Variants in SYN3 observed in about 807,000 individuals in gnomAD.
SYN3 encodes synapsin-3.
SYN3 carries 35 observed loss-of-function variants against 65.8 expected under a neutral mutation model. That is an observed-to-expected ratio of 0.53 (90% CI 0.41 to 0.70). The LOEUF is 0.70. Among genes scored for constraint, SYN3 ranks in the 30% least tolerant of loss-of-function variants. SYN3 has a pLI of 0.00. For missense variants in SYN3, 680 were observed against 749.0 expected (o/e 0.91, Z 1.08); for synonymous variants, 270 against 292.9 (o/e 0.92, Z 0.80).
chr22:32,628,314 T>G (rs967240638), intron 6 of SYN3, among the ~76,000 whole-genome samples: 7 of 152,212 alleles, frequency 4.6e-5, no homozygotes, highest in Admixed American at 3.9e-4. Flanking sequence ...TGCCCTCATT[T>G]AATTTACAAG....
chr22:32,975,332 A>G, intron 3 of SYN3, among the ~76,000 whole-genome samples: 1 of 149,084 alleles, frequency 6.7e-6, no homozygotes, highest in East Asian at 2.0e-4. Flanking sequence ...CGGAGATCTC[A>G]CCATTGCACT....
chr22:32,547,159 AT>A lies in SYN3; in HGVS notation c.775-5447del, dbSNP rs370726615. ...CGCCTGGCTGTTTTTTCTTTGTCGT[AT>A]TTTTTGTAGAAATGAAATTTCCCCA... On this transcript the variant is annotated intron_variant, in intron 7 of 13. Transcript: ENST00000358763. Among the ~76,000 whole-genome samples, 890 of 151,842 alleles carry A rather than the reference AT, an allele frequency of 5.9e-3. 13 individuals carry two copies. Among genetic ancestry groups the A allele is most frequent in the African/African-American group, 0.021 (864 of 41,388 alleles).
At chr22:32,952,254 AGT>A (rs1208268509) in intron 3 of SYN3, among the ~76,000 whole-genome samples, 1 of 148,252 alleles carries the variant, frequency 6.7e-6, no homozygotes, top group Non-Finnish European at 1.5e-5. Context: ...ATATTGAATG[AGT>A]GTGTGTGTGC....
intron 1 of SYN3, among the ~76,000 whole-genome samples, chr22:33,051,666 C>A (rs529776337): frequency 8.0e-6 from 1 of 125,602 alleles, no homozygotes; most frequent in East Asian, 2.2e-4. Flanking sequence ...TGCCCAAATA[C>A]ATTAAGGCAC....
chr22:33,030,784 TAGAC>T lies in SYN3; in HGVS notation c.-162-23964_-162-23961del, dbSNP rs576491704. ...AAACAGAGAGAGAGGTAGAGACAGA[TAGAC>T]AGAAACAGACCCCCAGAGAGAGAGA... On this transcript the variant is annotated intron_variant, in intron 1 of 13. Coordinates refer to ENST00000358763, the MANE Select transcript of SYN3 (RefSeq NM_003490.4). Among the ~76,000 whole-genome samples the T allele has an allele frequency of 9.6e-5, 14 of 146,550 alleles. No homozygotes were observed. In the South Asian group the frequency reaches 2.9e-3, roughly 30 times the overall value.
At chr22:32,911,204 A>T (rs1166928902) in intron 4 of SYN3, among the ~76,000 whole-genome samples, 1 of 152,202 alleles carries the variant, frequency 6.6e-6, no homozygotes, top group Non-Finnish European at 1.5e-5. Context: ...CCACACAGAA[A>T]GGAGGTATTT....
chr22:32,895,939 T>C (rs983723698), intron 4 of SYN3, among the ~76,000 whole-genome samples: 4 of 152,162 alleles, frequency 2.6e-5, no homozygotes, highest in African/African-American at 9.7e-5. Context: ...TTAATATTAA[T>C]AGGGTTGTTG....
At chr22:32,694,275 T>C (rs2060706702) in intron 6 of SYN3, among the ~76,000 whole-genome samples, 2 of 152,220 alleles carry the variant, frequency 1.3e-5, no homozygotes, top group South Asian at 4.1e-4. Context: ...CGGGCAAGCA[T>C]ACCTTTCCCC....
At chr22:32,763,085 C>CT (rs1339702741) in intron 6 of SYN3, among the ~76,000 whole-genome samples, 1 of 151,784 alleles carries the variant, frequency 6.6e-6, no homozygotes, top group Non-Finnish European at 1.5e-5. Flanking sequence ...CTCATTTCAT[C>CT]TTTTTTTTAA....
chr22:32,879,839 TA>T (rs893388945), intron 4 of SYN3, among the ~76,000 whole-genome samples: 1 of 152,140 alleles, frequency 6.6e-6, no homozygotes, highest in Non-Finnish European at 1.5e-5. Context: ...ACAACCCTTT[TA>T]AAAAAATAAC....
intron 6 of SYN3, among the ~76,000 whole-genome samples, chr22:32,687,457 C>T (rs2147139415): frequency 6.6e-6 from 1 of 152,296 alleles, no homozygotes; most frequent in East Asian, 1.9e-4. Context: ...AGCACCACGC[C>T]CGGCCGGTCT....
chr22:33,028,383 G>C (rs2053674418), intron 1 of SYN3, among the ~76,000 whole-genome samples: 1 of 152,250 alleles, frequency 6.6e-6, no homozygotes, highest in African/African-American at 2.4e-5. Flanking sequence ...ACCAGCTTCA[G>C]AGAAGGCCGT....
chr22:32,672,343 CAT>C (rs1464525124), intron 6 of SYN3, among the ~76,000 whole-genome samples: 9 of 151,920 alleles, frequency 5.9e-5, no homozygotes, highest in East Asian at 1.9e-4. Context: ...ATAAAATAAA[CAT>C]ATGTAGATGA....
intron 3 of SYN3, among the ~76,000 whole-genome samples, chr22:32,962,327 G>T (rs2051681659): frequency 6.6e-6 from 1 of 151,634 alleles, no homozygotes; most frequent in African/African-American, 2.4e-5. Context: ...ATAGAGACGG[G>T]GTTTCACTAT....
intron 6 of SYN3, among the ~76,000 whole-genome samples, chr22:32,816,247 A>G (rs1263027298): frequency 6.6e-6 from 1 of 152,166 alleles, no homozygotes; most frequent in Non-Finnish European, 1.5e-5. Flanking sequence ...AACACTCTTT[A>G]AATAGACATC....
At chr22:32,539,259 T>C (rs895138764) in intron 8 of SYN3, among the ~76,000 whole-genome samples, 1 of 152,052 alleles carries the variant, frequency 6.6e-6, no homozygotes, top group African/African-American at 2.4e-5. Flanking sequence ...TTGTTTCCCA[T>C]GGAGCTACAG....
chr22:33,009,996 G>A (rs1048030880), intron 1 of SYN3, among the ~76,000 whole-genome samples: 1 of 152,130 alleles, frequency 6.6e-6, no homozygotes, highest in African/African-American at 2.4e-5. Flanking sequence ...ACTTTGGGAG[G>A]TCAAGGTGGG....
chr22:32,528,823 G>C, intron 11 of SYN3, 51 bp downstream of exon 11: 16 of 1,610,488 alleles, frequency 9.9e-6, no homozygotes, highest in Non-Finnish European at 1.4e-5. Flanking sequence ...TTTCCAGACA[G>C]CCTGGCATTT....
intron 6 of SYN3, among the ~76,000 whole-genome samples, chr22:32,845,331 G>A (rs964096296): frequency 6.6e-6 from 1 of 152,038 alleles, no homozygotes; most frequent in African/African-American, 2.4e-5. Flanking sequence ...CAAGTAGCTG[G>A]GACTACAGGC....
Sources: gnomAD v4.1 joint callset for allele counts (sites outside exome capture counted in the v4.1 genomes callset) on GRCh38, gnomAD v4.1.1 for gene constraint, MANE v1.5 for transcripts, NCBI Gene and HGNC (gene_info 2026-07-23, HGNC 2026-07-21) for gene names.